TMEM178B: variants seen among roughly 807,000 people sequenced by gnomAD.
The protein encoded by TMEM178B is transmembrane protein 178B.
TMEM178B carries 5 observed loss-of-function variants against 31.0 expected under a neutral mutation model. The ratio of observed to expected loss-of-function variants is 0.16; its 90% CI spans 0.08 to 0.34. The LOEUF (loss-of-function observed/expected upper bound fraction) is 0.34. Among genes scored for constraint, TMEM178B ranks in the 10% least tolerant of loss-of-function variants. The pLI, the probability that TMEM178B is intolerant of heterozygous loss-of-function variation, is 1.00. For synonymous variants in TMEM178B, 164 were observed against 164.0 expected (o/e 1.00, Z 0.00); for missense variants, 275 against 400.3 (o/e 0.69, Z 2.67).
At chr7:141,277,803 G>A (rs565831527) in intron 2 of TMEM178B, among the ~76,000 whole-genome samples, 9 of 152,212 alleles carry the variant, frequency 5.9e-5, no homozygotes, top group Admixed American at 3.9e-4. Context: ...TGAGAGTCCT[G>A]GGCAAAAGGA....
chr7:141,260,398 C>T (rs1168979226), intron 2 of TMEM178B, among the ~76,000 whole-genome samples: 1 of 127,210 alleles, frequency 7.9e-6, no homozygotes, highest in Non-Finnish European at 1.6e-5. Flanking sequence ...CCATCAATGT[C>T]CAAACTTTTT....
chr7:141,492,447 A>G, the TMEM178B span, among the ~76,000 whole-genome samples: 1 of 152,202 alleles, frequency 6.6e-6, no homozygotes, highest in Admixed American at 6.5e-5. Flanking sequence ...ACGTTCCACA[A>G]GGGCAGGGAC....
At chr7:141,443,228 C>T (rs1801693836) in intron 3 of TMEM178B, among the ~76,000 whole-genome samples, 1 of 152,190 alleles carries the variant, frequency 6.6e-6, no homozygotes, top group Non-Finnish European at 1.5e-5. Context: ...GTATTATTAA[C>T]ATGTTACATG....
At chr7:141,126,328 T>A (rs866250953) in intron 1 of TMEM178B, among the ~76,000 whole-genome samples, 1 of 152,004 alleles carries the variant, frequency 6.6e-6, no homozygotes, top group Non-Finnish European at 1.5e-5. Flanking sequence ...AATGGGAGAT[T>A]GGGCAGGAGA....
intron 2 of TMEM178B, among the ~76,000 whole-genome samples, chr7:141,295,638 C>A (rs1288707009): frequency 6.6e-6 from 1 of 152,164 alleles, no homozygotes; most frequent in South Asian, 2.1e-4. Flanking sequence ...GTTTTCTTAG[C>A]AAACAGGCTT....
chr7:141,232,439 A>C (rs899448345), intron 2 of TMEM178B, among the ~76,000 whole-genome samples: 5 of 152,154 alleles, frequency 3.3e-5, no homozygotes, highest in Admixed American at 6.5e-5. Context: ...GTGTTAAAGC[A>C]TTCCTTTTTC....
At chr7:141,229,215 C>A (rs569927299) in intron 2 of TMEM178B, among the ~76,000 whole-genome samples, 2 of 151,698 alleles carry the variant, frequency 1.3e-5, no homozygotes, top group South Asian at 4.2e-4. Context: ...GGAACCAAAT[C>A]AGACTTAAAA....
At chr7:141,244,252 T>C (rs1238576595) in intron 2 of TMEM178B, among the ~76,000 whole-genome samples, 2 of 152,192 alleles carry the variant, frequency 1.3e-5, no homozygotes, top group Non-Finnish European at 1.5e-5. Flanking sequence ...ACTGACGGTG[T>C]AAAACGTAAC....
chr7:141,232,616 A>G (rs1034351773), intron 2 of TMEM178B, among the ~76,000 whole-genome samples: 2 of 152,218 alleles, frequency 1.3e-5, no homozygotes, highest in East Asian at 3.8e-4. Flanking sequence ...TTTTCTATAC[A>G]TTTTAATTCT....
chr7:141,345,740 A>G (rs1226571971), intron 2 of TMEM178B, among the ~76,000 whole-genome samples: 4 of 152,216 alleles, frequency 2.6e-5, no homozygotes, highest in Admixed American at 1.3e-4. Context: ...CTCAAATTAT[A>G]AGTATTTACT....
chr7:141,488,986 G>A, the TMEM178B span, among the ~76,000 whole-genome samples: 1 of 152,034 alleles, frequency 6.6e-6, no homozygotes, highest in Non-Finnish European at 1.5e-5. Context: ...AGGAGGAGGA[G>A]GAGGAGAAAG....
chr7:141,131,694 C>T (rs1795598202), intron 1 of TMEM178B, among the ~76,000 whole-genome samples: 1 of 152,144 alleles, frequency 6.6e-6, no homozygotes, highest in Non-Finnish European at 1.5e-5. Flanking sequence ...TGTTTGTCTA[C>T]TACCTTGTTG....
chr7:141,394,029 T>G (rs1271968630), intron 2 of TMEM178B, among the ~76,000 whole-genome samples: 1 of 152,208 alleles, frequency 6.6e-6, no homozygotes, highest in Non-Finnish European at 1.5e-5. Flanking sequence ...TCTTTTTTTT[T>G]TTTTCCTCAG....
chr7:141,169,586 T>A (rs1796316631), intron 1 of TMEM178B, among the ~76,000 whole-genome samples: 1 of 152,232 alleles, frequency 6.6e-6, no homozygotes, highest in South Asian at 2.1e-4. Flanking sequence ...ATCAAGGCTC[T>A]GACAGGCTCT....
intron 1 of TMEM178B, among the ~76,000 whole-genome samples, chr7:141,184,980 A>C (rs1339385517): frequency 1.3e-5 from 2 of 152,210 alleles, no homozygotes; most frequent in East Asian, 3.8e-4. Context: ...ACGTGGCCAG[A>C]CACATCTAAA....
At chr7:141,497,972 CTG>C in the TMEM178B span, among the ~76,000 whole-genome samples, 1 of 152,134 alleles carries the variant, frequency 6.6e-6, no homozygotes, top group East Asian at 1.9e-4. Flanking sequence ...TTTTTCATAA[CTG>C]TGTGAGCTTG....
intron 1 of TMEM178B, among the ~76,000 whole-genome samples, chr7:141,146,827 C>T (rs1055910683): frequency 1.3e-5 from 2 of 152,158 alleles, no homozygotes; most frequent in Non-Finnish European, 2.9e-5. Context: ...CTCCTGCTCC[C>T]TAAGCCGCAG....
chr7:141,207,539 A>G (rs1796986455), intron 1 of TMEM178B, among the ~76,000 whole-genome samples: 1 of 152,226 alleles, frequency 6.6e-6, no homozygotes, highest in Admixed American at 6.5e-5. Context: ...CCTGATGATT[A>G]GTGATGTTGG....
chr7:141,458,900 A>C (rs1802012835), intron 3 of TMEM178B, among the ~76,000 whole-genome samples: 1 of 152,242 alleles, frequency 6.6e-6, no homozygotes, highest in Non-Finnish European at 1.5e-5. Flanking sequence ...ACACACAAAC[A>C]CAGCAATATA....
Sources: gnomAD v4.1 joint callset for allele counts (sites outside exome capture counted in the v4.1 genomes callset) on GRCh38, gnomAD v4.1.1 for gene constraint, MANE v1.5 for transcripts, NCBI Gene and HGNC (gene_info 2026-07-23, HGNC 2026-07-21) for gene names.